Variants in ZGRF1 observed in about 807,000 individuals in gnomAD.
ZGRF1 encodes the protein zinc finger GRF-type containing 1, also known as 5'-3' DNA helicase ZGRF1.
ZGRF1 carries 196 observed loss-of-function variants against 203.5 expected under a neutral mutation model. That is an observed-to-expected ratio of 0.96 (90% CI 0.86 to 1.08). ZGRF1 has a LOEUF of 1.08. Ranked by LOEUF, ZGRF1 falls within the 50% of genes least tolerant of loss-of-function variation. The probability of loss-of-function intolerance (pLI) is 0.00; values close to 1 mark genes in which losing one functional copy is unlikely to be tolerated. For synonymous variants in ZGRF1, 809 were observed against 841.3 expected (o/e 0.96, Z 0.66); for missense variants, 2,326 against 2,416.3 (o/e 0.96, Z 0.78).
intron 6 of ZGRF1, 102 bp downstream of exon 6, chr4:112,617,338 A>C: frequency 1.2e-6 from 1 of 814,712 alleles, no homozygotes. Context: ...CTATTTAAAC[A>C]CTATGTAATT....
intron 16 of ZGRF1, among the ~76,000 whole-genome samples, chr4:112,580,550 G>C (rs1354578001): frequency 6.6e-6 from 1 of 151,812 alleles, no homozygotes; most frequent in Non-Finnish European, 1.5e-5. Flanking sequence ...CTAATATCTA[G>C]AATCTACAAT....
Position 112,618,563 on chromosome 4 carries a change from A to C in ZGRF1, c.1479T>G (p.Ser493=). The change falls in exon 6 of 28, where the codon TCT becomes TCG. Residue 493 remains serine, a synonymous_variant. Transcript: ENST00000505019. ...TGTCTGTAATGTCATCAGAGATCCT[A>C]GAATTATTACTAGATTCAATTTGGA... ...KHLQIESSNN[S]RISDDITDMI... 1.2e-6 allele frequency: 2 copies of C among 1,613,654 alleles called. No individual in the cohort carries two copies. Among genetic ancestry groups the C allele is most frequent in the Non-Finnish European group, 1.7e-6 (2 of 1,179,808 alleles).
chr4:112,618,744 A>G lies in ZGRF1; in HGVS notation c.1298T>C (p.Ile433Thr). Residue 433 changes from isoleucine (I) to threonine (T), a missense_variant, in exon 6 of 28, where the codon ATT (isoleucine) becomes ACT (threonine). Transcript: ENST00000505019. The stretch of plus-strand genomic sequence containing the variant: ...AAAAGGTATTTTATTATCTTCTTGA[A>G]TGTCAGATTCTGATAATATACCATC... ...ENDGILSESD[I>T]QEDNKIPFNQ... 1.2e-6 allele frequency: 2 copies of G among 1,610,818 alleles called. No individual in the cohort carries two copies. Among genetic ancestry groups the G allele is most frequent in the South Asian group, 2.2e-5 (2 of 90,972 alleles).
intron 12 of ZGRF1, 104 bp from the exon 13 acceptor site, chr4:112,586,687 T>C (rs1395903372): frequency 2.2e-6 from 2 of 902,268 alleles, no homozygotes; most frequent in Admixed American, 7.1e-5. Flanking sequence ...TTAATTTTTC[T>C]TTTGATTTCT....
chr4:112,626,115 G>A (rs1335743129), intron 3 of ZGRF1, among the ~76,000 whole-genome samples: 1 of 152,146 alleles, frequency 6.6e-6, no homozygotes, highest in African/African-American at 2.4e-5. Context: ...GTACTGAGTA[G>A]TAATTGCCAA....
At chr4:112,575,532 G>C (rs1053860978) in intron 16 of ZGRF1, among the ~76,000 whole-genome samples, 1 of 152,198 alleles carries the variant, frequency 6.6e-6, no homozygotes, top group African/African-American at 2.4e-5. Context: ...CCTAGTCAAA[G>C]AAAGGTGTGA....
chr4:112,548,001 G>A (rs1015828894), intron 23 of ZGRF1, among the ~76,000 whole-genome samples: 9 of 151,830 alleles, frequency 5.9e-5, no homozygotes, highest in African/African-American at 1.5e-4. Flanking sequence ...GAGTGCAGTC[G>A]TTCAATCCCT....
chr4:112,565,708 AAAG>A (rs1450674469), intron 16 of ZGRF1, among the ~76,000 whole-genome samples: 2 of 152,230 alleles, frequency 1.3e-5, no homozygotes. Flanking sequence ...ATGCTTCTCA[AAAG>A]AAGACATTTA....
chr4:112,540,403 A>T (rs563891836), intron 26 of ZGRF1, among the ~76,000 whole-genome samples: 94 of 152,152 alleles, frequency 6.2e-4, no homozygotes, highest in African/African-American at 2.1e-3. Context: ...CAGATAAAAA[A>T]TACTAAGAGA....
chr4:112,561,911 CTTTTTT>C (rs11385405), intron 18 of ZGRF1, among the ~76,000 whole-genome samples: 2 of 108,196 alleles, frequency 1.8e-5, no homozygotes, highest in African/African-American at 3.5e-5. Context: ...TTCCTTTTCT[CTTTTTT>C]TTTTTTTTTT....
chr4:112,555,640 C>T (rs776842067), intron 20 of ZGRF1, among the ~76,000 whole-genome samples: 6 of 152,208 alleles, frequency 3.9e-5, no homozygotes, highest in East Asian at 1.9e-4. Context: ...TAATAAGGGA[C>T]GCAGTCTCCT....
chr4:112,541,285 A>G lies in ZGRF1; in HGVS notation c.5599-17T>C, dbSNP rs759498911. The stretch of plus-strand genomic sequence containing the variant: ...CTTGTGACCCTAAGAAATTTAAATG[A>G]AGAAAAATAAAACATAATTTTTTTG... On this transcript the variant is annotated splice_polypyrimidine_tract_variant and intron_variant, in intron 24 of 27. Transcript: ENST00000505019. 2.8e-6 allele frequency: 4 copies of G among 1,442,212 alleles called. No homozygotes were observed. The East Asian group carries it at 9.3e-5, about 33-fold the overall frequency. The allele number at this position is 1,442,212 out of a possible 1,614,324, so 89.3% of individuals were successfully genotyped here.
intron 22 of ZGRF1, among the ~76,000 whole-genome samples, chr4:112,551,267 A>G (rs1345206316): frequency 6.6e-6 from 1 of 152,218 alleles, no homozygotes; most frequent in Non-Finnish European, 1.5e-5. Flanking sequence ...AGTAGGCTAT[A>G]CCATCTAGGT....
Position 112,618,321 on chromosome 4 carries a change from T to C in ZGRF1, c.1721A>G (p.Lys574Arg), listed in dbSNP as rs766890770. 2 of 1,613,906 alleles carry C rather than the reference T, an allele frequency of 1.2e-6. No individual in the cohort carries two copies. The highest frequency in any genetic ancestry group is 3.3e-5 in the Admixed American group (2 of 60,012). Residue 574 changes from lysine (K) to arginine (R), a missense_variant, in exon 6 of 28, where the codon AAG (lysine) becomes AGG (arginine). Lys to Arg is a conservative substitution (Grantham distance 26). Transcript: ENST00000505019. The stretch of plus-strand genomic sequence containing the variant: ...TTCACAGTTTGTATTCTCAGACCTC[T>C]TTTGAAAACATGAATTGCCATCATT... ...LVNDGNSCFQ[K>R]RSENTNCEEI... is the part of the protein sequence containing the mutation.
At chr4:112,592,011 C>G (rs1032240812) in intron 10 of ZGRF1, among the ~76,000 whole-genome samples, 1 of 151,868 alleles carries the variant, frequency 6.6e-6, no homozygotes, top group Non-Finnish European at 1.5e-5. Context: ...AAATATTTGT[C>G]AAATGAGTGA....
At chr4:112,568,330 G>C (rs549568805) in intron 16 of ZGRF1, among the ~76,000 whole-genome samples, 1 of 152,112 alleles carries the variant, frequency 6.6e-6, no homozygotes, top group African/African-American at 2.4e-5. Flanking sequence ...GTTAGACACT[G>C]TATAGAGAAA....
chr4:112,624,352 A>G (rs1287798044), intron 3 of ZGRF1, among the ~76,000 whole-genome samples: 1 of 151,868 alleles, frequency 6.6e-6, no homozygotes, highest in Non-Finnish European at 1.5e-5. Flanking sequence ...TACTAAAAAT[A>G]CAGGCTGAGG....
chr4:112,617,105 G>A (rs1384604787), intron 6 of ZGRF1, among the ~76,000 whole-genome samples: 1 of 151,986 alleles, frequency 6.6e-6, no homozygotes, highest in East Asian at 1.9e-4. Flanking sequence ...AAAAAAGATT[G>A]ACATATACAC....
intron 1 of ZGRF1, 142 bp from the exon 2 acceptor site, chr4:112,633,384 T>C (rs1267618498): frequency 1.8e-6 from 1 of 563,986 alleles, no homozygotes; most frequent in East Asian, 3.0e-5. Flanking sequence ...GAGGTGTAAT[T>C]ATCTATCACT....
Sources: gnomAD v4.1 joint callset for allele counts (sites outside exome capture counted in the v4.1 genomes callset) on GRCh38, gnomAD v4.1.1 for gene constraint, MANE v1.5 for transcripts, NCBI Gene and HGNC (gene_info 2026-07-23, HGNC 2026-07-21) for gene names.